The following FANCI variants were observed in gnomAD, a reference collection of about 807,000 sequenced individuals.
FANCI encodes the protein FA complementation group I, also known as Fanconi anemia group I protein.
FANCI carries 156 observed loss-of-function variants against 176.1 expected under a neutral mutation model. The ratio of observed to expected loss-of-function variants is 0.89; its 90% confidence interval spans 0.78 to 1.01. The LOEUF (loss-of-function observed/expected upper bound fraction) is 1.01. Ranked by LOEUF, FANCI falls within the 50% of genes least tolerant of loss-of-function variation. FANCI has a pLI of 0.00. For synonymous variants in FANCI, 613 were observed against 541.7 expected, an observed-to-expected ratio of 1.13 and a Z score of -1.83; for missense variants, 1,678 against 1,534.1, an observed-to-expected ratio of 1.09 and a Z score of -1.57.
intron 2 of FANCI, among the ~76,000 whole-genome samples, chr15:89,256,909 T>C (rs1006833436): frequency 2.0e-5 from 3 of 152,124 alleles, no homozygotes; most frequent in Non-Finnish European, 2.9e-5. Flanking sequence ...TTCTTTCTTT[T>C]TTGTTGTTTT....
intron 6 of FANCI, among the ~76,000 whole-genome samples, chr15:89,262,642 A>G (rs188114237): frequency 3.9e-5 from 6 of 152,346 alleles, no homozygotes; most frequent in Admixed American, 3.3e-4. Context: ...TCCTTACATA[A>G]GATCCCTTAC....
Position 89,305,223 on chromosome 15 carries a change from A to G in FANCI, c.3167A>G (p.His1056Arg). The G allele has an allele frequency of 6.2e-7, 1 of 1,614,238 alleles. No individual in the cohort carries two copies. Among genetic ancestry groups the G allele is most frequent in the East Asian group, 2.2e-5 (1 of 44,886 alleles). The change falls in exon 29 of 38, where the codon CAT (histidine) becomes CGT (arginine). Residue 1056 changes from histidine to arginine, a missense_variant. His to Arg is a conservative substitution (Grantham distance 29). Coordinates refer to ENST00000310775, the MANE Select transcript of FANCI (RefSeq NM_001113378.2). ...LRDLSQDIHGHLGDIDQDVEV... is the reference protein window; with the variant it reads ...LRDLSQDIHGRLGDIDQDVEV... Reference sequence around the variant, plus strand: ...GACTTGTCCCAGGATATCCACGGGCATCTGGGAGATATAGACCAGGTACTA... The same window carrying G: ...GACTTGTCCCAGGATATCCACGGGCGTCTGGGAGATATAGACCAGGTACTA...
chr15:89,258,574 T>C (rs1390290269), intron 2 of FANCI, 130 bp from the exon 3 acceptor site: 8 of 763,376 alleles, frequency 1.0e-5, no homozygotes, highest in East Asian at 9.9e-5. Flanking sequence ...CTAAAAATTA[T>C]GGTGTTTGTA....
In FANCI at chr15:89,316,347, G is replaced by A; in HGVS notation, c.3925-50G>A. On this transcript the variant is annotated intron_variant, in intron 37 of 37. Coordinates refer to ENST00000310775, the MANE Select transcript of FANCI (RefSeq NM_001113378.2). ...TTTTTTCCTTCTTTTTATTTCCACTGCCTTGGAGCAGGTTTATCACGTTAG... is the reference window on the plus strand; with the variant it reads ...TTTTTTCCTTCTTTTTATTTCCACTACCTTGGAGCAGGTTTATCACGTTAG... The A allele has an allele frequency of 3.2e-6, 5 of 1,551,146 alleles. No homozygotes were observed. The East Asian group carries it at 6.9e-5, about 21-fold the overall frequency.
intron 34 of FANCI, 172 bp downstream of exon 34, chr15:89,307,844 C>T: frequency 1.3e-6 from 2 of 1,485,356 alleles, no homozygotes; most frequent in East Asian, 2.5e-5. Context: ...GCAGCAAGGA[C>T]ATCTTTATGT....
intron 24 of FANCI, among the ~76,000 whole-genome samples, chr15:89,297,658 G>A (rs1331111972): frequency 6.6e-6 from 1 of 151,962 alleles, no homozygotes; most frequent in African/African-American, 2.4e-5. Flanking sequence ...GGCTGAGGCA[G>A]GAGAATCAGG....
intron 1 of FANCI, 109 bp from the exon 2 acceptor site, chr15:89,247,520 G>A: frequency 2.5e-6 from 2 of 787,390 alleles, no homozygotes; most frequent in East Asian, 4.9e-5. Flanking sequence ...AGTTTGTTGA[G>A]CACCCATTGC....
chr15:89,305,018 C>T, intron 28 of FANCI, 97 bp from the exon 29 acceptor site: 6 of 1,423,740 alleles, frequency 4.2e-6, no homozygotes, highest in Non-Finnish European at 5.9e-6. Flanking sequence ...TCAGGTGATC[C>T]ACCCGCCTTG....
At chr15:89,279,658 TC>T (rs1461422666) in intron 14 of FANCI, among the ~76,000 whole-genome samples, 3 of 152,222 alleles carry the variant, frequency 2.0e-5, no homozygotes, top group Non-Finnish European at 4.4e-5. Context: ...ATAATACAGT[TC>T]CCTTCAAACA....
At chr15:89,274,018 G>C (rs577582040) in intron 11 of FANCI, 150 bp from the exon 12 acceptor site, 2 of 619,050 alleles carry the variant, frequency 3.2e-6, no homozygotes, top group South Asian at 4.4e-5. Context: ...GGATATATGT[G>C]AATGGCAGCT....
In FANCI at chr15:89,306,194, TGTGA is replaced by T. The variant is rs780264785; in HGVS notation, c.3537+3_3537+6del. 19 of 1,613,894 alleles carry T rather than the reference TGTGA, an allele frequency of 1.2e-5. No individual in the cohort carries two copies. The highest frequency in any genetic ancestry group is 4.0e-5 in the African/African-American group (3 of 74,914). On this transcript the variant is annotated splice_donor_variant and splice_donor_region_variant and intron_variant, in intron 32 of 37. Transcript: ENST00000310775. LOFTEE classifies it high-confidence loss of function. The stretch of plus-strand genomic sequence containing the variant: ...CCACACTTACAGCCCTTGTCAGATA[TGTGA>T]GTATTTGAGACAAGCAGATTCGCCC...
chr15:89,300,731 G>A (rs1049596878), intron 26 of FANCI, among the ~76,000 whole-genome samples: 1 of 152,168 alleles, frequency 6.6e-6, no homozygotes. Flanking sequence ...CGTAAACACT[G>A]GACAATAAAG....
At chr15:89,274,920 T>TA (rs2053351507) in intron 12 of FANCI, among the ~76,000 whole-genome samples, 1 of 151,950 alleles carries the variant, frequency 6.6e-6, no homozygotes, top group Non-Finnish European at 1.5e-5. Flanking sequence ...TTTTCCTTTT[T>TA]AAAGGAAACA....
chr15:89,286,534 C>A (rs939655352), intron 18 of FANCI, among the ~76,000 whole-genome samples: 2 of 152,146 alleles, frequency 1.3e-5, no homozygotes, highest in Non-Finnish European at 2.9e-5. Flanking sequence ...TATCAATGAG[C>A]AGTAATATTT....
chr15:89,293,114 T>C, intron 22 of FANCI, 51 bp downstream of exon 22: 6 of 1,583,758 alleles, frequency 3.8e-6, no homozygotes, highest in Non-Finnish European at 5.2e-6. Flanking sequence ...CTCCATTTTA[T>C]TTACATATTT....
At position 89,260,723 on chromosome 15, in the gene FANCI, C is replaced by G. The variant is rs764080717; in HGVS notation, c.168C>G (p.Cys56Trp). The G allele has an allele frequency of 5.0e-6, 8 of 1,613,772 alleles. No homozygotes were observed. The highest frequency in any genetic ancestry group is 6.8e-6 in the Non-Finnish European group (8 of 1,179,822). Reference protein sequence around the residue: ...LLRAIFKGSPCSEEAGTLRRR... With the variant: ...LLRAIFKGSPWSEEAGTLRRR... ...GTTTAAAACAATAAGGTTCCCCCTG[C>G]TCTGAGGAAGCTGGAACACTTAGGA... is the stretch of plus-strand genomic sequence containing the variant. The change falls in exon 4 of 38, where the codon TGC becomes TGG. Residue 56 changes from cysteine to tryptophan, a missense_variant. Physicochemically the swap from Cys to Trp is radical, Grantham distance 215. Around this residue, in one of 3 missense-constraint regions of FANCI, gnomAD observed 469 missense variants for 436.9 expected, o/e 1.07. Coordinates refer to ENST00000310775, the MANE Select transcript of FANCI (RefSeq NM_001113378.2).
intron 18 of FANCI, among the ~76,000 whole-genome samples, chr15:89,289,260 AT>A (rs2053960184): frequency 6.6e-6 from 1 of 151,746 alleles, no homozygotes; most frequent in African/African-American, 2.4e-5. Context: ...GTTAGGATTA[AT>A]TTTCCTTTGT....
At chr15:89,282,983 C>A (rs2053673065) in intron 16 of FANCI, 153 bp from the exon 17 acceptor site, 2 of 763,614 alleles carry the variant, frequency 2.6e-6, no homozygotes, top group African/African-American at 3.4e-5. Context: ...CAGCTGATAC[C>A]TTATTTTGAG....
At position 89,290,253 on chromosome 15, in the gene FANCI, A is replaced by G; in HGVS notation, c.1862A>G (p.Asn621Ser). Residue 621 changes from asparagine (N) to serine (S), a missense_variant, in exon 19 of 38, where the codon AAT becomes AGT. Physicochemically the swap from Asn to Ser is conservative, Grantham distance 46 (BLOSUM62 1). Coordinates refer to ENST00000310775, the MANE Select transcript of FANCI (RefSeq NM_001113378.2). Reference protein sequence around the residue: ...DVLRRNSQLANSVMQTLLSQL... With the variant: ...DVLRRNSQLASSVMQTLLSQL... ...CTTCGAAGGAACTCTCAGCTGGCTA[A>G]TTCAGTCATGCAAACTCTGCTCTCA... The G allele has an allele frequency of 6.2e-7, 1 of 1,614,002 alleles. No homozygotes were observed. Among genetic ancestry groups the G allele is most frequent in the South Asian group, 1.1e-5 (1 of 91,080 alleles).
Sources: allele counts gnomAD v4.1 joint callset (sites outside exome capture counted in the v4.1 genomes callset), GRCh38; gene constraint gnomAD v4.1.1; regional missense constraint gnomAD v4.1.1; transcripts MANE v1.5; gene names NCBI Gene and HGNC (gene_info 2026-07-23, HGNC 2026-07-21).